The following COG5 variants were observed in gnomAD, a reference collection of about 807,000 sequenced individuals.
COG5 encodes the protein component of oligomeric golgi complex 5.
In COG5, 86 loss-of-function variants were observed where a neutral mutation model predicts 110.4. The ratio of observed to expected loss-of-function variants is 0.78; its 90% CI spans 0.65 to 0.93. COG5 has a LOEUF of 0.93. COG5 is among the 40% of genes least tolerant of loss of function. The pLI is 0.00. For missense variants in COG5, 1,077 were observed against 987.0 expected (o/e 1.09, Z -1.22); for synonymous variants, 360 against 334.6 (o/e 1.08, Z -0.83).
intron 6 of COG5, among the ~76,000 whole-genome samples, chr7:107,463,844 C>G (rs1464244517): frequency 6.6e-6 from 1 of 152,114 alleles, no homozygotes; most frequent in Non-Finnish European, 1.5e-5. Context: ...TGACGCTGTG[C>G]TCCTGGAAGT....
chr7:107,208,263 A>G, intron 21 of COG5: 1 of 985,438 alleles, frequency 1.0e-6, no homozygotes, highest in Non-Finnish European at 1.2e-6. Context: ...CCTTTTTAAA[A>G]AAGCATGACA....
intron 8 of COG5, among the ~76,000 whole-genome samples, chr7:107,367,516 A>C (rs1308005937): frequency 6.6e-6 from 1 of 152,016 alleles, no homozygotes; most frequent in African/African-American, 2.4e-5. Flanking sequence ...CAGGTAACCA[A>C]TCTAAGTGTT....
At chr7:107,342,881 T>C (rs1186587973) in intron 10 of COG5, among the ~76,000 whole-genome samples, 1 of 152,098 alleles carries the variant, frequency 6.6e-6, no homozygotes, top group African/African-American at 2.4e-5. Flanking sequence ...ATATTCAAAA[T>C]AAAATAAATC....
At position 107,298,273 on chromosome 7, in the gene COG5, C is replaced by T; in HGVS notation, c.1182G>A (p.Lys394=). The change falls in exon 12 of 22, where the codon AAG becomes AAA. Residue 394 remains lysine (K), a synonymous_variant. Coordinates refer to ENST00000297135, the MANE Select transcript of COG5 (RefSeq NM_006348.5). ...TATGCTGACTGTATTGTTGAAGACG[C>T]TTCCATAAGTCATTATAAAGACGTA... ...KLLRLYNDLW[K]RLQQYSQHIQ... 1 of 1,613,542 alleles carries T rather than the reference C, an allele frequency of 6.2e-7. No individual in the cohort carries two copies. The highest frequency in any genetic ancestry group is 1.1e-5 in the South Asian group (1 of 91,064).
intron 1 of COG5, among the ~76,000 whole-genome samples, chr7:107,559,025 T>C (rs951034097): frequency 2.7e-5 from 4 of 150,270 alleles, no homozygotes; most frequent in Non-Finnish European, 5.9e-5. Flanking sequence ...TATATATATA[T>C]ACACATATGT....
chr7:107,496,669 AAAAAAC>A (rs1584895794), intron 6 of COG5, among the ~76,000 whole-genome samples: 2 of 150,300 alleles, frequency 1.3e-5, no homozygotes, highest in African/African-American at 4.9e-5. Context: ...AAAAAAAAAC[AAAAAAC>A]AAAAAACAAA....
chr7:107,428,845 A>G (rs1488765199), intron 6 of COG5, among the ~76,000 whole-genome samples: 1 of 152,216 alleles, frequency 6.6e-6, no homozygotes, highest in Non-Finnish European at 1.5e-5. Flanking sequence ...TCACTGGCGT[A>G]TTACTAGCAA....
At chr7:107,490,913 T>A (rs978335758) in intron 6 of COG5, among the ~76,000 whole-genome samples, 3 of 152,016 alleles carry the variant, frequency 2.0e-5, no homozygotes, top group African/African-American at 2.4e-5. Context: ...ATGGAAAAAA[T>A]TTATGAATAC....
chr7:107,527,367 C>T lies in COG5; in HGVS notation c.418-10G>A. On this transcript the variant is annotated splice_polypyrimidine_tract_variant and intron_variant, in intron 5 of 21. Transcript: ENST00000297135. ...GCAAATCACAGGCAACCTGTGCAAA[C>T]ATCACAATGTTAAGTTAGTTGATCC... 1.2e-6 allele frequency: 2 copies of T among 1,612,962 alleles called. No individual in the cohort carries two copies. Among genetic ancestry groups the T allele is most frequent in the Non-Finnish European group, 1.7e-6 (2 of 1,179,756 alleles).
chr7:107,281,901 A>G (rs1303473592), intron 13 of COG5, among the ~76,000 whole-genome samples: 3 of 152,310 alleles, frequency 2.0e-5, no homozygotes, highest in Admixed American at 6.5e-5. Context: ...ATATAAAAGC[A>G]TAACAGGACT....
intron 19 of COG5, among the ~76,000 whole-genome samples, chr7:107,217,861 G>C (rs770041290): frequency 1.3e-5 from 2 of 152,012 alleles, no homozygotes; most frequent in African/African-American, 4.8e-5. Flanking sequence ...GGAGGTCTTT[G>C]TCAGAGCAAT....
At chr7:107,516,232 T>C (rs2129148042) in intron 6 of COG5, among the ~76,000 whole-genome samples, 1 of 152,336 alleles carries the variant, frequency 6.6e-6, no homozygotes, top group East Asian at 1.9e-4. Flanking sequence ...TGCCTAACGA[T>C]GTTGAGCATG....
intron 19 of COG5, among the ~76,000 whole-genome samples, chr7:107,223,740 T>C (rs568610814): frequency 6.6e-6 from 1 of 152,292 alleles, no homozygotes; most frequent in East Asian, 1.9e-4. Flanking sequence ...ATGTGGGGTA[T>C]GGTGGTTACA....
intron 6 of COG5, among the ~76,000 whole-genome samples, chr7:107,485,520 T>C (rs1205492254): frequency 6.6e-6 from 1 of 152,180 alleles, no homozygotes; most frequent in African/African-American, 2.4e-5. Context: ...AACTAGCTTC[T>C]CAAACTACAT....
intron 5 of COG5, among the ~76,000 whole-genome samples, chr7:107,531,273 G>A (rs536112178): frequency 6.6e-6 from 1 of 151,892 alleles, no homozygotes; most frequent in African/African-American, 2.4e-5. Flanking sequence ...AGTTGGATGC[G>A]GGCAGCTTCA....
intron 6 of COG5, among the ~76,000 whole-genome samples, chr7:107,454,461 G>T (rs554923502): frequency 6.6e-6 from 1 of 152,004 alleles, no homozygotes; most frequent in Admixed American, 6.5e-5. Flanking sequence ...GTTTTTTAAC[G>T]TCTTTATTCT....
chr7:107,238,284 G>A (rs1030809797), intron 17 of COG5, among the ~76,000 whole-genome samples: 42 of 152,264 alleles, frequency 2.8e-4, no homozygotes, highest in Admixed American at 2.6e-3. Flanking sequence ...TTAGCATAAT[G>A]TTCTGTAGGT....
chr7:107,311,470 T>C (rs1350987066), intron 11 of COG5, among the ~76,000 whole-genome samples: 6 of 132,186 alleles, frequency 4.5e-5, no homozygotes, highest in African/African-American at 1.7e-4. Flanking sequence ...CTCGGCTCAC[T>C]GCAAGCTCCG....
At chr7:107,278,123 A>G (rs1804851204) in intron 14 of COG5, among the ~76,000 whole-genome samples, 1 of 152,130 alleles carries the variant, frequency 6.6e-6, no homozygotes, top group South Asian at 2.1e-4. Flanking sequence ...TTCGATGTAC[A>G]TTTCAGGTTG....
Sources: allele counts gnomAD v4.1 joint callset (sites outside exome capture counted in the v4.1 genomes callset), GRCh38; gene constraint gnomAD v4.1.1; transcripts MANE v1.5; gene names NCBI Gene and HGNC (gene_info 2026-07-23, HGNC 2026-07-21).